Variants in AGL observed in about 807,000 individuals in gnomAD.
AGL encodes glycogen debranching enzyme.
AGL carries 128 observed loss-of-function variants against 199.3 expected under a neutral mutation model. The observed-to-expected ratio is 0.64, with a 90% CI of 0.56 to 0.74. AGL has a LOEUF of 0.74. Among genes scored for constraint, AGL ranks in the 30% least tolerant of loss-of-function variants. The pLI is 0.00. For synonymous variants in AGL, 584 were observed against 594.7 expected (o/e 0.98, Z 0.26); for missense variants, 1,809 against 1,820.8 (o/e 0.99, Z 0.12).
intron 20 of AGL, among the ~76,000 whole-genome samples, chr1:99,885,733 A>G (rs957000286): frequency 6.6e-6 from 1 of 152,140 alleles, no homozygotes; most frequent in African/African-American, 2.4e-5. Context: ...ACTGTTTGCC[A>G]TCACCCCCAT....
intron 21 of AGL, among the ~76,000 whole-genome samples, chr1:99,889,832 G>GT (rs1482556599): frequency 2.0e-5 from 3 of 151,942 alleles, no homozygotes; most frequent in Non-Finnish European, 4.4e-5. Context: ...GCCTTTACCT[G>GT]TTTATTTTTT....
chr1:99,921,452 A>T, intron 33 of AGL, 82 bp from the exon 34 acceptor site: 1 of 933,740 alleles, frequency 1.1e-6, no homozygotes, highest in Non-Finnish European at 1.8e-6. Flanking sequence ...TCTACACTAG[A>T]AGGCAAAAAT....
chr1:99,861,830 T>C (rs1650064664), intron 3 of AGL, 117 bp downstream of exon 3: 1 of 1,151,318 alleles, frequency 8.7e-7, no homozygotes, highest in Non-Finnish European at 1.3e-6. Flanking sequence ...TAGTGCTTCC[T>C]TGAGATGCAA....
chr1:99,852,222 G>T (rs1649011502), intron 2 of AGL, among the ~76,000 whole-genome samples: 1 of 152,062 alleles, frequency 6.6e-6, no homozygotes. Context: ...TGGAGGAAAA[G>T]CCTTGAGCTT....
chr1:99,851,838 A>G (rs3766591), intron 2 of AGL, among the ~76,000 whole-genome samples: 35,782 of 152,158 alleles, frequency 0.24, 5,052 homozygotes, highest in African/African-American at 0.39. Flanking sequence ...GGATGTTGCT[A>G]GTCATAAACA....
chr1:99,867,586 CCTT>C (rs1456176931), intron 5 of AGL, among the ~76,000 whole-genome samples: 4 of 149,520 alleles, frequency 2.7e-5, no homozygotes, highest in Admixed American at 6.7e-5. Flanking sequence ...GACGGAGTCT[CCTT>C]CTGTCGCCCA....
rs1332737486 is a variant in AGL, at chr1:99,864,500, A to G, written c.575A>G (p.Tyr192Cys). 2 of 1,613,936 alleles carry G rather than the reference A, an allele frequency of 1.2e-6. No homozygotes were observed. Among genetic ancestry groups the G allele is most frequent in the Admixed American group, 1.7e-5 (1 of 60,028 alleles). Residue 192 changes from tyrosine (Y) to cysteine (C), a missense_variant, in exon 5 of 34, where the codon TAT (tyrosine) becomes TGT (cysteine). By Grantham distance (194) the Tyr-to-Cys change is radical (BLOSUM62 -2). Coordinates refer to ENST00000361915, the MANE Select transcript of AGL (RefSeq NM_000642.3). ...GACTTTTCAAGACCTAATAGAAAGT[A>G]TACCTGGAATGATGTTGGACAGCTA... ...NPDFSRPNRKYTWNDVGQLVE... is the reference protein window; with the variant it reads ...NPDFSRPNRKCTWNDVGQLVE...
At chr1:99,890,435 AG>A (rs1481189537) in intron 21 of AGL, among the ~76,000 whole-genome samples, 3 of 152,120 alleles carry the variant, frequency 2.0e-5, no homozygotes, top group African/African-American at 7.2e-5. Context: ...GAGCCCCTTG[AG>A]GGAAAGAACT....
Position 99,881,383 on chromosome 1 carries a change from T to C in AGL, c.2093T>C (p.Ile698Thr). Residue 698 changes from isoleucine (I) to threonine (T), a missense_variant, in exon 16 of 34, where the codon ATT becomes ACT. Coordinates refer to ENST00000361915, the MANE Select transcript of AGL (RefSeq NM_000642.3). ...GGTGAAGTTAATTTCCAAAGCGGCATTATTGCAGCCAGGTGTGCTATCAGT... is the reference window on the plus strand; with the variant it reads ...GGTGAAGTTAATTTCCAAAGCGGCACTATTGCAGCCAGGTGTGCTATCAGT... Reference protein sequence around the residue: ...NTGEVNFQSGIIAARCAISKL... With the variant: ...NTGEVNFQSGTIAARCAISKL... 6.2e-7 allele frequency: 1 copy of C among 1,614,158 alleles called. No individual in the cohort carries two copies. The highest frequency in any genetic ancestry group is 1.3e-5 in the African/African-American group (1 of 75,066).
chr1:99,920,126 T>A (rs964950602), intron 33 of AGL, among the ~76,000 whole-genome samples: 4 of 152,250 alleles, frequency 2.6e-5, no homozygotes, highest in Admixed American at 6.5e-5. Flanking sequence ...TCATTTTGTT[T>A]TTTAATTTTG....
chr1:99,876,579 C>G lies in AGL; in HGVS notation c.1405C>G (p.Arg469Gly), dbSNP rs766536350. The part of the protein sequence containing the change: ...NGWVMGDDPL[R>G]NFAEPGSEVY... ...ATGGGTAATGGGAGATGATCCTCTTCGAAACTTTGCTGAACCGGGTATGTA... is the reference window on the plus strand; with the variant it reads ...ATGGGTAATGGGAGATGATCCTCTTGGAAACTTTGCTGAACCGGGTATGTA... Residue 469 changes from arginine to glycine, a missense_variant, in exon 11 of 34, where the codon CGA becomes GGA. By Grantham distance (125) the Arg-to-Gly change is moderately radical. Coordinates refer to ENST00000361915, the MANE Select transcript of AGL (RefSeq NM_000642.3). 70 of 1,613,824 alleles carry G rather than the reference C, an allele frequency of 4.3e-5. No individual in the cohort carries two copies. In the South Asian group the frequency reaches 7.7e-4, roughly 18 times the overall value.
intron 2 of AGL, among the ~76,000 whole-genome samples, chr1:99,851,721 T>C (rs1258318009): frequency 6.6e-6 from 1 of 152,342 alleles, no homozygotes; most frequent in South Asian, 2.1e-4. Context: ...ATTACTTTTC[T>C]ACAAGGCTAG....
Position 99,884,444 on chromosome 1 carries a change from A to T in AGL, c.2539A>T (p.Ile847Leu). 1 of 1,609,122 alleles carries T rather than the reference A, an allele frequency of 6.2e-7. No homozygotes were observed. Among genetic ancestry groups the T allele is most frequent in the Non-Finnish European group, 8.5e-7 (1 of 1,176,036 alleles). Reference sequence around the variant, plus strand: ...AAACTTGTCTCCAGGAAGTGTTATTATATTCAGGTATGTTAATTGAGCTCA... The same window carrying T: ...AAACTTGTCTCCAGGAAGTGTTATTTTATTCAGGTATGTTAATTGAGCTCA... ...FENLSPGSVI[I>L]FRVSLDPHAQ... Residue 847 changes from isoleucine (I) to leucine (L), a missense_variant, in exon 19 of 34, where the codon ATA (isoleucine) becomes TTA (leucine). Ile to Leu is a conservative substitution (Grantham distance 5, BLOSUM62 2). Transcript: ENST00000361915.
rs139068984 is a variant in AGL at position 99,923,622 on chromosome 1, T to C, written c.*1971T>C. 1.3e-5 allele frequency: 2 copies of C among 152,312 alleles called. No individual in the cohort carries two copies. The highest frequency in any genetic ancestry group is 3.9e-4 in the East Asian group (2 of 5,184). 9.4% of individuals were successfully genotyped at this position (152,312 alleles called of 1,614,324 possible). ...ATTCTGCGTGGTATATTTTAAAGTT[T>C]AAGAAGGCATGTTAAACATTATTTC... On this transcript the variant is annotated 3_prime_UTR_variant, in exon 34 of 34. Transcript: ENST00000361915.
Position 99,900,894 on chromosome 1 carries a change from T to TG in AGL, c.3588+33_3588+34insG, listed in dbSNP as rs762440221. The TG allele has an allele frequency of 3.1e-5, 46 of 1,486,540 alleles. No homozygotes were observed. In the South Asian group the frequency reaches 5.6e-4, roughly 18 times the overall value. The allele number at this position is 1,486,540 out of a possible 1,614,324, so 92.1% of individuals were successfully genotyped here. Reference sequence around the variant, plus strand: ...TATTTCTTAAAATGTTTTTTTGTTTTTTTTTTTTTTTCTGAAAAATGACTT... The same window carrying TG: ...TATTTCTTAAAATGTTTTTTTGTTTTGTTTTTTTTTTTCTGAAAAATGACTT... On this transcript the variant is annotated intron_variant, in intron 26 of 33. Transcript: ENST00000361915.
At chr1:99,872,380 A>G (rs1041765642) in intron 7 of AGL, among the ~76,000 whole-genome samples, 2 of 152,158 alleles carry the variant, frequency 1.3e-5, no homozygotes, top group African/African-American at 4.8e-5. Flanking sequence ...TTAAACATGG[A>G]ATTATTGAGT....
At chr1:99,890,144 T>G (rs1246794896) in intron 21 of AGL, among the ~76,000 whole-genome samples, 1 of 152,172 alleles carries the variant, frequency 6.6e-6, no homozygotes, top group Non-Finnish European at 1.5e-5. Flanking sequence ...TACCACAGTT[T>G]TCACTCTATT....
intron 27 of AGL, among the ~76,000 whole-genome samples, chr1:99,907,693 G>GTTTTTTT (rs71075465): frequency 2.5e-4 from 30 of 118,898 alleles, no homozygotes; most frequent in Non-Finnish European, 3.4e-4. Flanking sequence ...TTTGTTTTTT[G>GTTTTTTT]TTTTTTTTGC....
At chr1:99,921,015 C>G (rs1467489165) in intron 33 of AGL, among the ~76,000 whole-genome samples, 2 of 152,016 alleles carry the variant, frequency 1.3e-5, no homozygotes, top group African/African-American at 4.8e-5. Context: ...TACATAAAAG[C>G]AGTATTAGAA....
Sources: allele counts gnomAD v4.1 joint callset (sites outside exome capture counted in the v4.1 genomes callset), GRCh38; gene constraint gnomAD v4.1.1; transcripts MANE v1.5; gene names NCBI Gene and HGNC (gene_info 2026-07-23, HGNC 2026-07-21).